Variants in CFAP46 observed in about 807,000 individuals in gnomAD.
CFAP46 encodes cilia and flagella associated protein 46, also known as cilia- and flagella-associated protein 46.
A neutral mutation model predicts 325.7 loss-of-function variants in CFAP46; 245 were observed. The ratio of observed to expected loss-of-function variants is 0.75; its 90% CI spans 0.68 to 0.84. CFAP46 has a LOEUF of 0.84. CFAP46 is among the 40% of genes least tolerant of loss of function. The pLI is 0.00. For synonymous variants in CFAP46, 1,523 were observed against 1,495.9 expected (o/e 1.02, Z -0.42); for missense variants, 3,346 against 3,543.0 (o/e 0.94, Z 1.41).
chr10:132,922,389 C>T (rs903986174), intron 12 of CFAP46, 91 bp downstream of exon 12: 13 of 1,450,902 alleles, frequency 9.0e-6, no homozygotes, highest in African/African-American at 2.8e-5. Context: ...CAGCCCTGGG[C>T]GGCTCCCGCC....
At chr10:132,898,791 C>G (rs1373364406) in intron 24 of CFAP46, 168 bp downstream of exon 24, 2 of 893,502 alleles carry the variant, frequency 2.2e-6, no homozygotes, top group African/African-American at 3.3e-5. Flanking sequence ...CCCCGCAGTG[C>G]TGGGACTTGG....
chr10:132,814,650 G>C (rs779267966), intron 52 of CFAP46, 36 bp downstream of exon 52: 1 of 1,582,880 alleles, frequency 6.3e-7, no homozygotes, highest in East Asian at 2.3e-5. Flanking sequence ...GCACAGGGCG[G>C]GGTCTGGGGC....
In CFAP46 at chr10:132,909,183, C is replaced by T; in HGVS notation, c.2711G>A (p.Cys904Tyr). The change falls in exon 21 of 58, where the codon TGC becomes TAC. Residue 904 changes from cysteine (C) to tyrosine (Y), a missense_variant. By Grantham distance (194) the Cys-to-Tyr change is radical (BLOSUM62 -2). Coordinates refer to ENST00000368586, the MANE Select transcript of CFAP46 (RefSeq NM_001200049.3). The part of the protein sequence containing the change: ...RVLVALEMYS[C>Y]NGLGLMDFTV... ...GAAGTCCATGAGGCCCAGCCCGTTG[C>T]ATGAGTACATTTCCAAGGCAACGAG... The T allele has an allele frequency of 2.6e-6, 4 of 1,550,246 alleles. No homozygotes were observed. The South Asian group carries it at 3.6e-5, about 14-fold the overall frequency.
At chr10:132,935,675 C>T (rs1452406339) in intron 7 of CFAP46, among the ~76,000 whole-genome samples, 11 of 139,678 alleles carry the variant, frequency 7.9e-5, no homozygotes, top group African/African-American at 2.6e-4. Context: ...ACTGAGATCT[C>T]CTCACTCCCC....
chr10:132,921,354 A>AGCC (rs1452458747), intron 13 of CFAP46, among the ~76,000 whole-genome samples: 1 of 152,148 alleles, frequency 6.6e-6, no homozygotes, highest in Non-Finnish European at 1.5e-5. Flanking sequence ...GCGTTCCCAG[A>AGCC]GCCACTGGCG....
Position 132,817,425 on chromosome 10 carries a change from AT to A in CFAP46, c.7118-2512del, listed in dbSNP as rs1309406408. ...GTCTTCTCACTGGCAGGGTTGGCCA[AT>A]TTTCTTTTTTTGATATATGACATAA... On this transcript the variant is annotated intron_variant, in intron 50 of 57. Coordinates refer to ENST00000368586, the MANE Select transcript of CFAP46 (RefSeq NM_001200049.3). The surrounding 1 kb of genome is among the most constrained non-coding windows in gnomAD (Gnocchi z 4.4). Among the ~76,000 whole-genome samples the A allele has an allele frequency of 6.6e-6, 1 of 152,066 alleles. No individual in the cohort carries two copies. The highest frequency in any genetic ancestry group is 1.5e-5 in the Non-Finnish European group (1 of 68,026).
intron 19 of CFAP46, among the ~76,000 whole-genome samples, chr10:132,911,907 G>C (rs1849545698): frequency 6.6e-6 from 1 of 152,084 alleles, no homozygotes; most frequent in Admixed American, 6.5e-5. Flanking sequence ...CACGGGTCTT[G>C]TTTTCCTCTC....
Position 132,850,303 on chromosome 10 carries a change from G to C in CFAP46, c.5893C>G (p.Leu1965Val). 1 of 1,551,214 alleles carries C rather than the reference G, an allele frequency of 6.4e-7. No individual in the cohort carries two copies. The highest frequency in any genetic ancestry group is 8.7e-7 in the Non-Finnish European group (1 of 1,147,242). Reference protein sequence around the residue: ...LLGLAGRALHLLAMQADPVHP... With the variant: ...LLGLAGRALHVLAMQADPVHP... ...ACAGGGTCAGCTTGCATGGCCAGCA[G>C]GTGCAGGGCCCTCCCGGCCAGGCCC... Residue 1965 changes from leucine to valine, a missense_variant, in exon 41 of 58, where the codon CTG becomes GTG. Coordinates refer to ENST00000368586, the MANE Select transcript of CFAP46 (RefSeq NM_001200049.3).
At chr10:132,820,202 C>T (rs1015719641) in intron 50 of CFAP46, among the ~76,000 whole-genome samples, 1 of 152,214 alleles carries the variant, frequency 6.6e-6, no homozygotes, top group Non-Finnish European at 1.5e-5. Flanking sequence ...TCGCCGTTGG[C>T]GACAACATGG....
intron 44 of CFAP46, 76 bp from the exon 45 acceptor site, chr10:132,836,990 A>G (rs1848261574): frequency 2.6e-6 from 3 of 1,170,334 alleles, no homozygotes; most frequent in Admixed American, 1.7e-5. Context: ...CCTCATTTCC[A>G]GGAGACCTCG....
intron 50 of CFAP46, among the ~76,000 whole-genome samples, chr10:132,825,135 TGTGTG>T (rs1367361198): frequency 4.2e-4 from 61 of 146,686 alleles, no homozygotes; most frequent in African/African-American, 1.6e-3. Context: ...GTGTGCTGTG[TGTGTG>T]GTGATGTGTG....
In CFAP46 at chr10:132,876,012, C is replaced by A. The variant is rs1848952850; in HGVS notation, c.4362+800G>T. ...TCCAGAATAAAGGATTCCTTCAAAC[C>A]AATCAGGAAAAGTCAGAAAGCTTAA... On this transcript the variant is annotated intron_variant, in intron 31 of 57. Transcript: ENST00000368586. The surrounding 1 kb of genome is among the most constrained non-coding windows in gnomAD (Gnocchi z 4.1). 1.3e-5 allele frequency among the ~76,000 whole-genome samples: 2 copies of A among 152,182 alleles called. No homozygotes were observed. The highest frequency in any genetic ancestry group is 4.8e-5 in the African/African-American group (2 of 41,452).
rs143019636 is a variant in CFAP46 at position 132,854,011 on chromosome 10, G to A, written c.5575-2706C>T. 9.3e-3 allele frequency among the ~76,000 whole-genome samples: 1,407 copies of A among 152,042 alleles called. 12 individuals are homozygous for A. Among genetic ancestry groups the A allele is most frequent in the South Asian group, 0.043 (208 of 4,804 alleles). On this transcript the variant is annotated intron_variant, in intron 39 of 57. Transcript: ENST00000368586. ...TTTTCTGTTTTCTATTTCACTGATC[G>A]ATTGCCCCTCAGATCTTTAATTTTT...
At chr10:132,913,333 G>T in intron 17 of CFAP46, 75 bp from the exon 18 acceptor site, 1 of 1,102,088 alleles carries the variant, frequency 9.1e-7, no homozygotes, top group East Asian at 2.9e-5. Flanking sequence ...AGGCTGCGGG[G>T]CCTGTTAGGA....
chr10:132,812,060 C>T (rs2134751835), intron 55 of CFAP46, among the ~76,000 whole-genome samples: 1 of 152,340 alleles, frequency 6.6e-6, no homozygotes, highest in Middle Eastern at 3.4e-3. Flanking sequence ...GGGCTGCAGC[C>T]ACAGGACGTT....
chr10:132,902,319 T>G (rs899870954), intron 22 of CFAP46, among the ~76,000 whole-genome samples: 2 of 109,118 alleles, frequency 1.8e-5, no homozygotes, highest in African/African-American at 1.2e-4. Context: ...GAAGCTCTGT[T>G]CATTTAGTTT....
chr10:132,887,972 G>C (rs1197855427), intron 25 of CFAP46, among the ~76,000 whole-genome samples: 2 of 34,590 alleles, frequency 5.8e-5, no homozygotes, highest in Admixed American at 3.8e-4. Context: ...CTCTCTCTCC[G>C]CTCCTCTCTC....
rs1848913453 is a variant in CFAP46 at position 132,872,927 on chromosome 10, ATGTCTGCACACAGCAGGTGCTCAGCGCG to A, written c.4363-131_4363-104del. ...ACTCCCTCCCTCCCCATGCCAGCAC[ATGTCTGCACACAGCAGGTGCTCAGCGCG>A]TGTCCGCACACAGCAGGTGCTCAGT... On this transcript the variant is annotated intron_variant, in intron 31 of 57. Transcript: ENST00000368586. 16 of 1,278,772 alleles carry A rather than the reference ATGTCTGCACACAGCAGGTGCTCAGCGCG, an allele frequency of 1.3e-5. No homozygotes were observed. In the Admixed American group the frequency reaches 1.3e-4, roughly 10 times the overall value. 79.2% of individuals were successfully genotyped at this position (1,278,772 alleles called of 1,614,324 possible). A position where few individuals can be genotyped will look rare whatever the true frequency, so the allele number is the denominator to read the frequency against.
Position 132,913,204 on chromosome 10 carries a change from T to G in CFAP46, c.2175A>C (p.Ala725=). The change falls in exon 18 of 58, where the codon GCA becomes GCC. Residue 725 remains alanine, a synonymous_variant. Transcript: ENST00000368586. The stretch of plus-strand genomic sequence containing the variant: ...CCTCCTGGATCTCCTGTCCGATCTC[T>G]GCGGAGCGCAGCCAGTTATTCATGG... The part of the protein sequence containing the change: ...RCAMNNWLRS[A]EIGQEIQEAW... 2 of 1,550,462 alleles carry G rather than the reference T, an allele frequency of 1.3e-6. No homozygotes were observed. Among genetic ancestry groups the G allele is most frequent in the Non-Finnish European group, 1.7e-6 (2 of 1,146,986 alleles).
Sources: allele counts gnomAD v4.1 joint callset (sites outside exome capture counted in the v4.1 genomes callset), GRCh38; gene constraint gnomAD v4.1.1; non-coding constraint Gnocchi (gnomAD v3.1); transcripts MANE v1.5; gene names NCBI Gene and HGNC (gene_info 2026-07-23, HGNC 2026-07-21).